DLC1: variants seen among roughly 807,000 people sequenced by gnomAD.
DLC1 encodes DLC1 Rho GTPase activating protein.
A neutral mutation model predicts 140.3 loss-of-function variants in DLC1; 54 were observed. That is an observed-to-expected ratio of 0.38 (90% CI 0.31 to 0.48). The LOEUF is 0.48. DLC1 is among the 20% of genes least tolerant of loss of function. The pLI, the probability that DLC1 is intolerant of heterozygous loss-of-function variation, is 0.96. For synonymous variants in DLC1, 986 were observed against 728.1 expected (o/e 1.35, Z -5.70); for missense variants, 2,536 against 1,907.0 (o/e 1.33, Z -6.14).
At chr8:13,337,710 C>T (rs1833864378) in intron 4 of DLC1, among the ~76,000 whole-genome samples, 1 of 152,148 alleles carries the variant, frequency 6.6e-6, no homozygotes, top group Non-Finnish European at 1.5e-5. Flanking sequence ...ACCTACAGAG[C>T]ATCTTTCCCA....
intron 10 of DLC1, 115 bp downstream of exon 10, chr8:13,098,284 G>T: frequency 7.7e-7 from 1 of 1,303,716 alleles, no homozygotes. Flanking sequence ...TAGGATGACA[G>T]ATGAAATATA....
intron 2 of DLC1, among the ~76,000 whole-genome samples, chr8:13,472,635 G>A (rs1451403094): frequency 6.6e-6 from 1 of 152,142 alleles, no homozygotes; most frequent in African/African-American, 2.4e-5. Context: ...CCAGCCTTGG[G>A]CCTCAATTGG....
intron 1 of DLC1, among the ~76,000 whole-genome samples, chr8:13,510,034 C>A (rs541398977): frequency 6.6e-6 from 1 of 152,078 alleles, no homozygotes; most frequent in Admixed American, 6.6e-5. Flanking sequence ...GATGATGACT[C>A]CTTTAGCTTT....
chr8:13,581,980 T>G (rs928344747), intron 1 of DLC1, among the ~76,000 whole-genome samples: 2 of 152,140 alleles, frequency 1.3e-5, no homozygotes, highest in African/African-American at 4.8e-5. Flanking sequence ...AGTGTGTGTG[T>G]GGGTGTGTGA....
chr8:13,393,456 C>T (rs1836857586), intron 4 of DLC1, 97 bp downstream of exon 4: 2 of 1,317,204 alleles, frequency 1.5e-6, no homozygotes, highest in Non-Finnish European at 1.0e-6. Context: ...GGCTAAGATT[C>T]CAACAGTATT....
chr8:13,567,437 A>G, intron 1 of DLC1: 1 of 1,552,070 alleles, frequency 6.4e-7, no homozygotes, highest in Non-Finnish European at 8.7e-7. Context: ...AGACATAAAA[A>G]GCTGCATCTT....
At chr8:13,338,004 C>T (rs138775772) in intron 4 of DLC1, among the ~76,000 whole-genome samples, 18 of 152,252 alleles carry the variant, frequency 1.2e-4, no homozygotes, top group Non-Finnish European at 1.6e-4. Flanking sequence ...CTTCAGTGTT[C>T]CTAGCCAGAT....
chr8:13,443,343 TAAAAA>T (rs58765529), intron 2 of DLC1, among the ~76,000 whole-genome samples: 2 of 123,228 alleles, frequency 1.6e-5, no homozygotes, highest in Non-Finnish European at 3.4e-5. Context: ...CCCTAAAACT[TAAAAA>T]AAAAAAAAAA....
intron 3 of DLC1, among the ~76,000 whole-genome samples, chr8:13,401,158 C>T (rs1319834891): frequency 2.0e-5 from 3 of 152,100 alleles, no homozygotes; most frequent in East Asian, 3.9e-4. Flanking sequence ...GAGTCTCTCT[C>T]GTATCAGAGA....
intron 4 of DLC1, among the ~76,000 whole-genome samples, chr8:13,381,277 G>C (rs77606587): frequency 0.023 from 3,484 of 152,244 alleles, 73 homozygotes; most frequent in South Asian, 0.085. Flanking sequence ...GCCTCAGCCG[G>C]GAGAAGATGA....
rs570320465 is a variant in DLC1, at chr8:13,335,805, A to G, written c.1315-30503T>C. Among the ~76,000 whole-genome samples, 15 of 152,228 alleles carry G rather than the reference A, an allele frequency of 9.9e-5. 1 individual carries two copies. Among genetic ancestry groups the G allele is most frequent in the Middle Eastern group, 3.4e-3 (1 of 292 alleles). ...GCATGGGTATATAAAGTCTGCGATG[A>G]TTCTCTGCTTGACAATTTAAAAAGC... On this transcript the variant is annotated intron_variant, in intron 4 of 17. Coordinates refer to ENST00000276297, the MANE Select transcript of DLC1 (RefSeq NM_182643.3).
In DLC1 at chr8:13,243,392, T is replaced by C. The variant is rs1481170433; in HGVS notation, c.1348+61877A>G. On this transcript the variant is annotated intron_variant, in intron 5 of 17. Coordinates refer to ENST00000276297, the MANE Select transcript of DLC1 (RefSeq NM_182643.3). Reference sequence around the variant, plus strand: ...GCTTCCCCCTCACCTTCTGCCGTGATTGTGAGTTTCCTGAGGCCTCCCCAG... The same window carrying C: ...GCTTCCCCCTCACCTTCTGCCGTGACTGTGAGTTTCCTGAGGCCTCCCCAG... 2.6e-5 allele frequency among the ~76,000 whole-genome samples: 4 copies of C among 151,884 alleles called. No individual in the cohort carries two copies. In the East Asian group the frequency reaches 5.8e-4, roughly 22 times the overall value.
intron 5 of DLC1, among the ~76,000 whole-genome samples, chr8:13,130,440 T>C (rs1821984550): frequency 1.3e-5 from 2 of 152,242 alleles, no homozygotes; most frequent in Non-Finnish European, 2.9e-5. Flanking sequence ...ACACCTCTTT[T>C]AATGTAGAAA....
chr8:13,409,127 A>G (rs902947157), intron 2 of DLC1, among the ~76,000 whole-genome samples: 4 of 152,144 alleles, frequency 2.6e-5, no homozygotes, highest in Non-Finnish European at 5.9e-5. Context: ...CCTGAGTCCA[A>G]CAACTATATT....
chr8:13,333,973 C>T (rs769123760), intron 4 of DLC1, among the ~76,000 whole-genome samples: 120 of 152,146 alleles, frequency 7.9e-4, no homozygotes, highest in Non-Finnish European at 1.4e-3. Flanking sequence ...GCTCATGAGG[C>T]TGACCTTCCA....
At chr8:13,209,724 A>T (rs542791312) in intron 5 of DLC1, among the ~76,000 whole-genome samples, 9 of 151,728 alleles carry the variant, frequency 5.9e-5, no homozygotes, top group African/African-American at 2.2e-4. Flanking sequence ...GGTGTGTGGC[A>T]CCTCCCTCCT....
At chr8:13,110,184 T>G (rs1028150909) in intron 7 of DLC1, among the ~76,000 whole-genome samples, 1 of 152,208 alleles carries the variant, frequency 6.6e-6, no homozygotes, top group African/African-American at 2.4e-5. Flanking sequence ...CCTCTCAGCT[T>G]GAAGACCCAA....
rs983513999 is a variant in DLC1 at position 13,593,195 on chromosome 8, G to A, written c.-126+11342C>T. The stretch of plus-strand genomic sequence containing the variant: ...TTAGCAGCAGGCCAAGAGGTGTTGT[G>A]GAGAAGAAATCTAGCATCCCTAATT... On this transcript the variant is annotated intron_variant, in intron 1 of 1. Transcript: ENST00000631382. Among the ~76,000 whole-genome samples, 7 of 152,156 alleles carry A rather than the reference G, an allele frequency of 4.6e-5. No individual in the cohort carries two copies. In the South Asian group the frequency reaches 1.0e-3, roughly 23 times the overall value.
chr8:13,490,521 T>G (rs1471418525), intron 2 of DLC1, among the ~76,000 whole-genome samples: 1 of 152,192 alleles, frequency 6.6e-6, no homozygotes, highest in Non-Finnish European at 1.5e-5. Flanking sequence ...GGTACCCAGA[T>G]AAGAGGCAGG....
Sources: allele counts gnomAD v4.1 joint callset (sites outside exome capture counted in the v4.1 genomes callset), GRCh38; gene constraint gnomAD v4.1.1; transcripts MANE v1.5; gene names NCBI Gene and HGNC (gene_info 2026-07-23, HGNC 2026-07-21).